Variants in GFM2 observed in about 807,000 individuals in gnomAD.
GFM2 encodes the protein GTP dependent ribosome recycling factor mitochondrial 2, also known as ribosome-releasing factor 2, mitochondrial.
GFM2 carries 72 observed loss-of-function variants against 95.4 expected under a neutral mutation model. That is an observed-to-expected ratio of 0.76 (90% CI 0.62 to 0.92). GFM2 has a LOEUF of 0.92. GFM2 is among the 40% of genes least tolerant of loss of function. The pLI, the probability that GFM2 is intolerant of heterozygous loss-of-function variation, is 0.00. For missense variants in GFM2, 825 were observed against 924.1 expected (o/e 0.89, Z 1.39); for synonymous variants, 276 against 317.5 (o/e 0.87, Z 1.39).
intron 10 of GFM2, among the ~76,000 whole-genome samples, chr5:74,744,312 A>G (rs1356962805): frequency 6.6e-6 from 1 of 152,062 alleles, no homozygotes; most frequent in Non-Finnish European, 1.5e-5. Flanking sequence ...GTCAACATTC[A>G]TGTGGTCTGT....
intron 1 of GFM2, chr5:74,765,160 A>G: frequency 9.1e-7 from 1 of 1,098,428 alleles, no homozygotes; most frequent in Non-Finnish European, 1.1e-6. Flanking sequence ...TGACTGTAAT[A>G]GACATTTTCC....
intron 5 of GFM2, among the ~76,000 whole-genome samples, chr5:74,754,863 C>G (rs1030717702): frequency 3.3e-5 from 5 of 152,236 alleles, no homozygotes; most frequent in Middle Eastern, 6.8e-3. Flanking sequence ...TGCATGTCAT[C>G]CCAGCACTTT....
intron 15 of GFM2, among the ~76,000 whole-genome samples, chr5:74,734,216 G>A (rs955461414): frequency 2.6e-5 from 4 of 151,592 alleles, no homozygotes; most frequent in Non-Finnish European, 5.9e-5. Flanking sequence ...GAGACTTACT[G>A]TGAAAAAAAG....
chr5:74,748,475 T>C (rs1743502942), intron 7 of GFM2, among the ~76,000 whole-genome samples: 1 of 152,232 alleles, frequency 6.6e-6, no homozygotes, highest in South Asian at 2.1e-4. Context: ...TTGAACCTCA[T>C]ACAAAATAGC....
chr5:74,733,166 T>A, intron 15 of GFM2, 68 bp from the exon 16 acceptor site: 1 of 1,153,438 alleles, frequency 8.7e-7, no homozygotes, highest in Non-Finnish European at 1.3e-6. Context: ...TTCTAGTGGG[T>A]AAAACAGATG....
chr5:74,760,933 CA>C lies in GFM2; in HGVS notation c.116del (p.Val39GlyfsTer13), dbSNP rs1441029710. The C allele has an allele frequency of 6.2e-7, 1 of 1,610,850 alleles. No individual in the cohort carries two copies. Among genetic ancestry groups the C allele is most frequent in the Non-Finnish European group, 8.5e-7 (1 of 1,177,410 alleles). The part of the protein sequence containing the change: ...RASLKRLKPH[V>X]PLGRNCSSLP... ...GAGAACTGCAATTTCTTCCAAGCGG[CA>C]CATGTGGCTTTAATCTTTTTAAACT... On this transcript the variant is annotated frameshift_variant, in exon 3 of 21. Coordinates refer to ENST00000296805, the MANE Select transcript of GFM2 (RefSeq NM_032380.5). LOFTEE classifies it high-confidence loss of function.
At chr5:74,732,960 ACACACACACACACACACACT>A in intron 16 of GFM2, 42 bp downstream of exon 16, 1 of 866,688 alleles carries the variant, frequency 1.2e-6, no homozygotes, top group African/African-American at 1.7e-5. Context: ...ACACACACAC[ACACACACACACACACACACT>A]CTTATAGAAA....
In GFM2 at chr5:74,760,761, C is replaced by T. The variant is rs931613959; in HGVS notation, c.148+141G>A. 3.1e-5 allele frequency: 20 copies of T among 644,014 alleles called. 1 individual carries two copies. Among genetic ancestry groups the T allele is most frequent in the Admixed American group, 8.3e-5 (3 of 35,954 alleles). 39.9% of individuals were successfully genotyped at this position (644,014 alleles called of 1,614,324 possible). The stretch of plus-strand genomic sequence containing the variant: ...CTTCTGGCACCTATCTGAACACTCC[C>T]GCCCCTAATAATCTCAAGGAAATAG... On this transcript the variant is annotated intron_variant, in intron 3 of 20. Transcript: ENST00000296805.
intron 15 of GFM2, among the ~76,000 whole-genome samples, chr5:74,734,729 C>T (rs992053616): frequency 2.0e-5 from 3 of 151,978 alleles, no homozygotes; most frequent in Non-Finnish European, 2.9e-5. Context: ...TAACAGGTAT[C>T]GAGGGTTATA....
chr5:74,747,778 G>C lies in GFM2; in HGVS notation c.522C>G (p.Ala174=). Residue 174 remains alanine (A), a splice_region_variant and synonymous_variant, in exon 8 of 21, where the codon GCC becomes GCG. Coordinates refer to ENST00000296805, the MANE Select transcript of GFM2 (RefSeq NM_032380.5). The part of the protein sequence containing the change: ...AVFDASAGVE[A]QTLTVWRQAD... Reference sequence around the variant, plus strand: ...CTTGCCTCCATACTGTGAGAGTCTGGGCCTAAAGCAAAGATGAGGAAAAAA... The same window carrying C: ...CTTGCCTCCATACTGTGAGAGTCTGCGCCTAAAGCAAAGATGAGGAAAAAA... 6.3e-7 allele frequency: 1 copy of C among 1,592,304 alleles called. No individual in the cohort carries two copies. The highest frequency in any genetic ancestry group is 8.6e-7 in the Non-Finnish European group (1 of 1,163,536).
chr5:74,721,587 T>TA lies in GFM2; in HGVS notation c.*67dup. The TA allele has an allele frequency of 6.8e-7, 1 of 1,479,946 alleles. No homozygotes were observed. Among genetic ancestry groups the TA allele is most frequent in the Non-Finnish European group, 9.3e-7 (1 of 1,072,186 alleles). The allele number at this position is 1,479,946 out of a possible 1,614,324, so 91.7% of individuals were successfully genotyped here. ...TTTATTCGTCCAATAAATAAAGCAA[T>TA]AAAAATTGTTCTTACTGAAAATGAA... On this transcript the variant is annotated 3_prime_UTR_variant, in exon 21 of 21. Coordinates refer to ENST00000296805, the MANE Select transcript of GFM2 (RefSeq NM_032380.5).
In GFM2 at chr5:74,728,770, T is replaced by TTTTTTTTGAGA. The variant is rs756604027; in HGVS notation, c.1726+1489_1726+1490insTCTCAAAAAAA. Reference sequence around the variant, plus strand: ...TTTCTTTTTTTTTTTTTTTTTTTTTTTTTTGAGATGGCGTCTCACTCTGTT... The same window carrying TTTTTTTTGAGA: ...TTTCTTTTTTTTTTTTTTTTTTTTTTTTTTTTTGAGATTTTGAGATGGCGTCTCACTCTGTT... On this transcript the variant is annotated intron_variant, in intron 17 of 20. Coordinates refer to ENST00000296805, the MANE Select transcript of GFM2 (RefSeq NM_032380.5). Among the ~76,000 whole-genome samples the TTTTTTTTGAGA allele has an allele frequency of 1.6e-3, 184 of 113,814 alleles. 15 individuals are homozygous for TTTTTTTTGAGA. Among genetic ancestry groups the TTTTTTTTGAGA allele is most frequent in the African/African-American group, 3.5e-3 (86 of 24,476 alleles). 74.7% of individuals were successfully genotyped at this position (113,814 alleles called of 152,430 possible).
At chr5:74,743,721 A>G (rs1459800876) in intron 10 of GFM2, among the ~76,000 whole-genome samples, 1 of 152,232 alleles carries the variant, frequency 6.6e-6, no homozygotes, top group East Asian at 1.9e-4. Flanking sequence ...TTCCACTTTT[A>G]TATCTTCTAT....
intron 1 of GFM2, among the ~76,000 whole-genome samples, chr5:74,764,473 T>C (rs1410199204): frequency 6.6e-6 from 1 of 152,192 alleles, no homozygotes; most frequent in Non-Finnish European, 1.5e-5. Flanking sequence ...ATTCGTAAAC[T>C]TTCTTAAAAT....
intron 17 of GFM2, among the ~76,000 whole-genome samples, chr5:74,726,351 C>T (rs956910701): frequency 2.6e-5 from 4 of 152,090 alleles, no homozygotes; most frequent in African/African-American, 9.7e-5. Flanking sequence ...CTCTGTATCA[C>T]CTATTGTTTT....
At chr5:74,746,560 A>G (rs561036923) in intron 8 of GFM2, among the ~76,000 whole-genome samples, 4 of 152,324 alleles carry the variant, frequency 2.6e-5, no homozygotes, top group Admixed American at 1.3e-4. Flanking sequence ...CTACCATACA[A>G]GGCAACTAGC....
chr5:74,750,804 T>C, intron 6 of GFM2, 137 bp from the exon 7 acceptor site: 1 of 631,474 alleles, frequency 1.6e-6, no homozygotes, highest in African/African-American at 1.9e-5. Context: ...GAAAGCAGAG[T>C]CTCAGAGCTA....
intron 6 of GFM2, among the ~76,000 whole-genome samples, chr5:74,751,120 G>A (rs1202508516): frequency 6.6e-6 from 1 of 152,062 alleles, no homozygotes; most frequent in Non-Finnish European, 1.5e-5. Context: ...GTGAAGGGAG[G>A]GGGCAAAAGG....
chr5:74,738,143 T>A (rs1742924298), intron 14 of GFM2, among the ~76,000 whole-genome samples, 175 bp downstream of exon 14: 1 of 152,190 alleles, frequency 6.6e-6, no homozygotes, highest in African/African-American at 2.4e-5. Context: ...CGTAATCTAC[T>A]TTTCTTCCTA....
Sources: gnomAD v4.1 joint callset for allele counts (sites outside exome capture counted in the v4.1 genomes callset) on GRCh38, gnomAD v4.1.1 for gene constraint, MANE v1.5 for transcripts, NCBI Gene and HGNC (gene_info 2026-07-23, HGNC 2026-07-21) for gene names.